Variants in FGF13 observed in about 807,000 individuals in gnomAD.
FGF13 encodes the protein fibroblast growth factor 13, also known as fibroblast growth factor homologous factor 2.
FGF13 carries 2 observed loss-of-function variants against 19.5 expected under a neutral mutation model. That is an observed-to-expected ratio of 0.10 (90% CI 0.04 to 0.32). The LOEUF (loss-of-function observed/expected upper bound fraction) is 0.32, where lower values mean the gene tolerates loss of function less well. Among genes scored for constraint, FGF13 ranks in the 10% least tolerant of loss-of-function variants. The probability of loss-of-function intolerance (pLI) is 1.00; values close to 1 mark genes in which losing one functional copy is unlikely to be tolerated. For missense variants in FGF13, 113 were observed against 192.7 expected (o/e 0.59, Z 2.45); for synonymous variants, 72 against 76.9 (o/e 0.94, Z 0.33).
intron 3 of FGF13, among the ~76,000 whole-genome samples, chrX:138,813,582 T>C (rs959883669): frequency 1.1e-4 from 12 of 112,122 alleles, no homozygotes; most frequent in Admixed American, 8.6e-4. Context: ...AACATACCAT[T>C]TTAACAGTTG....
chrX:138,922,246 C>T (rs910832156), intron 1 of FGF13, among the ~76,000 whole-genome samples: 9 of 111,227 alleles, frequency 8.1e-5, no homozygotes, highest in Non-Finnish European at 1.7e-4. Context: ...GTCCATTATC[C>T]AGATACCACA....
intron 3 of FGF13, among the ~76,000 whole-genome samples, chrX:138,766,558 G>C: frequency 8.9e-6 from 1 of 112,076 alleles, no homozygotes; most frequent in Non-Finnish European, 1.9e-5. Flanking sequence ...CCCATATTTA[G>C]GGAGCTTAAA....
chrX:138,944,200 G>A (rs758923177), intron 1 of FGF13, among the ~76,000 whole-genome samples: 3 of 111,055 alleles, frequency 2.7e-5, no homozygotes, highest in Admixed American at 1.9e-4. Flanking sequence ...TGTGACCTTG[G>A]GCCAATCACT....
intron 1 of FGF13, among the ~76,000 whole-genome samples, chrX:139,132,595 C>T (rs969224128): frequency 8.9e-6 from 1 of 111,939 alleles, no homozygotes; most frequent in Non-Finnish European, 1.9e-5. Context: ...ACCTTAAGAG[C>T]AAATAATGTG....
intron 1 of FGF13, among the ~76,000 whole-genome samples, chrX:139,185,764 C>G (rs1245057215): frequency 8.9e-6 from 1 of 111,948 alleles, no homozygotes; most frequent in African/African-American, 3.2e-5. Flanking sequence ...AAGCTATTAT[C>G]TTGTTAATAA....
At chrX:138,972,639 G>A (rs1489629935) in intron 1 of FGF13, among the ~76,000 whole-genome samples, 1 of 111,163 alleles carries the variant, frequency 9.0e-6, no homozygotes, top group Non-Finnish European at 1.9e-5. Flanking sequence ...TTACAGGTGT[G>A]AGCCACCGTG....
chrX:139,107,978 T>G (rs752693873), intron 1 of FGF13, among the ~76,000 whole-genome samples: 2 of 111,359 alleles, frequency 1.8e-5, no homozygotes, highest in Admixed American at 1.9e-4. Context: ...TAAAATGAAA[T>G]AATCCTATCC....
At chrX:138,772,568 T>C (rs1454250201) in intron 3 of FGF13, among the ~76,000 whole-genome samples, 2 of 111,602 alleles carry the variant, frequency 1.8e-5, no homozygotes, top group Non-Finnish European at 3.8e-5. Flanking sequence ...ATCCATTTTT[T>C]TAAACATTGG....
chrX:139,190,695 C>G (rs10126887), intron 1 of FGF13, among the ~76,000 whole-genome samples: 12,724 of 111,518 alleles, frequency 0.11, 550 homozygotes, highest in Non-Finnish European at 0.13. Flanking sequence ...TACTTAATAC[C>G]ATAGAACTGG....
intron 3 of FGF13, among the ~76,000 whole-genome samples, chrX:138,817,395 T>A (rs933483547): frequency 8.9e-5 from 10 of 112,068 alleles, no homozygotes; most frequent in Non-Finnish European, 1.9e-4. Flanking sequence ...TTGTTTGGTT[T>A]TAAATTAAAA....
At chrX:139,183,786 A>C (rs1332142001) in intron 1 of FGF13, among the ~76,000 whole-genome samples, 2 of 111,810 alleles carry the variant, frequency 1.8e-5, no homozygotes, top group African/African-American at 6.5e-5. Flanking sequence ...CAACACCAGG[A>C]AATAGGGAGA....
chrX:139,090,712 G>A (rs1034538821), intron 1 of FGF13, among the ~76,000 whole-genome samples: 2 of 110,323 alleles, frequency 1.8e-5, no homozygotes. Flanking sequence ...GGCTGGGGTG[G>A]GGCAGATCAC....
At chrX:139,072,009 CAA>C (rs547217409) in intron 1 of FGF13, among the ~76,000 whole-genome samples, 158 of 24,823 alleles carry the variant, frequency 6.4e-3, no homozygotes, top group Admixed American at 0.054. Flanking sequence ...GATTCCATCT[CAA>C]AAAAAAAAAA....
intron 1 of FGF13, among the ~76,000 whole-genome samples, chrX:139,158,202 A>G (rs949707420): frequency 3.1e-5 from 3 of 95,948 alleles, no homozygotes; most frequent in Non-Finnish European, 4.2e-5. Context: ...ACACCTAGCT[A>G]GCTGCAGCAT....
intron 1 of FGF13, among the ~76,000 whole-genome samples, chrX:139,126,805 T>C (rs2083719893): frequency 9.0e-6 from 1 of 111,360 alleles, no homozygotes; most frequent in African/African-American, 3.3e-5. Flanking sequence ...TTTCCAAATC[T>C]TTCTCCACTC....
chrX:138,678,095 C>T (rs1057262007), intron 3 of FGF13, among the ~76,000 whole-genome samples: 7 of 111,237 alleles, frequency 6.3e-5, no homozygotes, highest in Admixed American at 9.5e-5. Context: ...AACCAAACAC[C>T]GCATGTTCTC....
intron 1 of FGF13, among the ~76,000 whole-genome samples, chrX:138,968,517 G>A (rs1301887917): frequency 9.0e-6 from 1 of 110,986 alleles, no homozygotes; most frequent in African/African-American, 3.3e-5. Flanking sequence ...GGCTTTCATG[G>A]ACTCAAACAT....
intron 1 of FGF13, among the ~76,000 whole-genome samples, chrX:139,180,271 C>T (rs2084228365): frequency 8.9e-6 from 1 of 112,249 alleles, no homozygotes; most frequent in South Asian, 3.7e-4. Context: ...GATATAACAT[C>T]TGAGATCATC....
intron 1 of FGF13, among the ~76,000 whole-genome samples, chrX:139,106,572 T>G (rs1358624953): frequency 8.9e-6 from 1 of 111,862 alleles, no homozygotes. Context: ...ATAATGGATT[T>G]GGGCCTCCGA....
Sources: gnomAD v4.1 joint callset for allele counts (sites outside exome capture counted in the v4.1 genomes callset) on GRCh38, gnomAD v4.1.1 for gene constraint, MANE v1.5 for transcripts, NCBI Gene and HGNC (gene_info 2026-07-23, HGNC 2026-07-21) for gene names.